Variants in TBC1D16 observed in about 807,000 individuals in gnomAD.
TBC1D16 encodes the protein CTD-2529O21.1.
TBC1D16 carries 58 observed loss-of-function variants against 74.7 expected under a neutral mutation model. The observed-to-expected ratio is 0.78, with a 90% CI of 0.63 to 0.97. The LOEUF is 0.97. Ranked by LOEUF, TBC1D16 falls within the 50% of genes least tolerant of loss-of-function variation. The pLI is 0.00. For synonymous variants in TBC1D16, 493 were observed against 474.7 expected, an observed-to-expected ratio of 1.04 and a Z score of -0.50; for missense variants, 1,014 against 1,079.5, an observed-to-expected ratio of 0.94 and a Z score of 0.85.
intron 1 of TBC1D16, among the ~76,000 whole-genome samples, chr17:80,016,841 T>C (rs1357225787): frequency 6.6e-6 from 1 of 152,174 alleles, no homozygotes; most frequent in Non-Finnish European, 1.5e-5. Flanking sequence ...AGCACAATAT[T>C]CCAAAGATGT....
chr17:80,010,898 A>G lies in TBC1D16; in HGVS notation c.182-141T>C, dbSNP rs2035866329. 2 of 499,870 alleles carry G rather than the reference A, an allele frequency of 4.0e-6. No homozygotes were observed. The highest frequency in any genetic ancestry group is 2.0e-5 in the African/African-American group (1 of 50,810). 31.0% of individuals were successfully genotyped at this position (499,870 alleles called of 1,614,324 possible). A position where few individuals can be genotyped will look rare whatever the true frequency, so the allele number is the denominator to read the frequency against. Reference sequence around the variant, plus strand: ...CGGCCTCAGATACAGCCTGGCCCTGAGCAAAAACACTAGAGGGAAACTGTG... The same window carrying G: ...CGGCCTCAGATACAGCCTGGCCCTGGGCAAAAACACTAGAGGGAAACTGTG... On this transcript the variant is annotated intron_variant, in intron 2 of 11. Coordinates refer to ENST00000310924, the MANE Select transcript of TBC1D16 (RefSeq NM_019020.4). The surrounding 1 kb of genome is among the most constrained non-coding windows in gnomAD (Gnocchi z 8.8).
Position 79,940,947 on chromosome 17 carries a change from C to G in TBC1D16, c.2216G>C (p.Gly739Ala), listed in dbSNP as rs766450766. 1 of 1,601,388 alleles carries G rather than the reference C, an allele frequency of 6.2e-7. No individual in the cohort carries two copies. The highest frequency in any genetic ancestry group is 1.7e-5 in the Admixed American group (1 of 59,072). Residue 739 changes from glycine (G) to alanine (A), a missense_variant, in exon 12 of 12, where the codon GGC (glycine) becomes GCC (alanine). Gly to Ala is a moderately conservative substitution (Grantham distance 60, BLOSUM62 0). Transcript: ENST00000310924. The surrounding 1 kb of genome is among the most constrained non-coding windows in gnomAD (Gnocchi z 5.4). ...HPGSESCPYG[G>A]TVEMPSPKSL... is the part of the protein sequence containing the mutation. Reference sequence around the variant, plus strand: ...CTTGGGGGAAGGCATCTCCACCGTGCCCCCGTAGGGACAGCTCTCCGAGCC... The same window carrying G: ...CTTGGGGGAAGGCATCTCCACCGTGGCCCCGTAGGGACAGCTCTCCGAGCC...
intron 6 of TBC1D16, 91 bp from the exon 7 acceptor site, chr17:79,949,956 T>C: frequency 4.1e-6 from 6 of 1,454,366 alleles, no homozygotes; most frequent in Non-Finnish European, 5.6e-6. Context: ...TGGTGGTTTT[T>C]GGTGCGCCTT....
At position 79,941,033 on chromosome 17, in the gene TBC1D16, G is replaced by A. The variant is rs779586570; in HGVS notation, c.2130C>T (p.Cys710=). Residue 710 remains cysteine, a synonymous_variant, in exon 12 of 12, where the codon TGC becomes TGT. Coordinates refer to ENST00000310924, the MANE Select transcript of TBC1D16 (RefSeq NM_019020.4). This position sits in a 1 kb window ranked among gnomAD's most constrained non-coding sequence, Gnocchi z 4.3. ...AGCCGCTGTCCCACATGCCTGACCC[G>A]CACAGCTTACACAGATCGTGCAGGC... ...PCSLHDLCKL[C]GSGMWDSGSM... 8.1e-6 allele frequency: 13 copies of A among 1,606,960 alleles called. No individual in the cohort carries two copies. Among genetic ancestry groups the A allele is most frequent in the Middle Eastern group, 1.7e-4 (1 of 6,048 alleles).
intron 9 of TBC1D16, among the ~76,000 whole-genome samples, chr17:79,946,880 G>C (rs2032587841): frequency 6.6e-6 from 1 of 152,210 alleles, no homozygotes; most frequent in African/African-American, 2.4e-5. Flanking sequence ...ACCTCCCACA[G>C]TGCTCCCCGA....
intron 3 of TBC1D16, among the ~76,000 whole-genome samples, chr17:79,969,670 G>A (rs530998898): frequency 1.3e-4 from 20 of 152,246 alleles, no homozygotes; most frequent in Non-Finnish European, 2.6e-4. Flanking sequence ...GGCCGGGCAC[G>A]GTGGCTCATG....
chr17:80,003,780 C>T (rs570391591), intron 3 of TBC1D16, among the ~76,000 whole-genome samples: 7 of 152,306 alleles, frequency 4.6e-5, no homozygotes, highest in East Asian at 1.9e-4. Flanking sequence ...GCCGGGCACG[C>T]GGCTCATGCC....
rs965047605 is a variant in TBC1D16 at position 79,980,942 on chromosome 17, C to T, written c.780-28124G>A. 1.6e-4 allele frequency among the ~76,000 whole-genome samples: 25 copies of T among 152,230 alleles called. No individual in the cohort carries two copies. The highest frequency in any genetic ancestry group is 7.8e-4 in the Admixed American group (12 of 15,296). Reference sequence around the variant, plus strand: ...AGGGGTTGTGACGTGACCTGGGCCCCGGGAGGCCCTGAGGGAACTGGTGGG... The same window carrying T: ...AGGGGTTGTGACGTGACCTGGGCCCTGGGAGGCCCTGAGGGAACTGGTGGG... On this transcript the variant is annotated intron_variant, in intron 3 of 11. Coordinates refer to ENST00000310924, the MANE Select transcript of TBC1D16 (RefSeq NM_019020.4). The surrounding 1 kb of genome is among the most constrained non-coding windows in gnomAD (Gnocchi z 7.0).
chr17:80,035,193 T>G lies in TBC1D16; in HGVS notation c.-63+602A>C, dbSNP rs760082784. 2.2e-4 allele frequency among the ~76,000 whole-genome samples: 33 copies of G among 152,020 alleles called. No homozygotes were observed. Among genetic ancestry groups the G allele is most frequent in the Non-Finnish European group, 3.5e-4 (24 of 68,010 alleles). ...TTATGTTTAGCAATCTTCAGTTGCC[T>G]TTCCTTTTTTTCTTTCCTTCCTTTC... is the stretch of plus-strand genomic sequence containing the variant. On this transcript the variant is annotated intron_variant, in intron 1 of 11. Transcript: ENST00000310924. This position sits in a 1 kb window ranked among gnomAD's most constrained non-coding sequence, Gnocchi z 5.3.
At chr17:79,970,241 G>C (rs564026706) in intron 3 of TBC1D16, among the ~76,000 whole-genome samples, 4 of 152,310 alleles carry the variant, frequency 2.6e-5, no homozygotes, top group African/African-American at 7.2e-5. Context: ...TAAATCCATA[G>C]AGACAGACAG....
Position 79,941,178 on chromosome 17 carries a change from G to C in TBC1D16, c.2056-71C>G. 1 of 1,440,456 alleles carries C rather than the reference G, an allele frequency of 6.9e-7. No homozygotes were observed. The highest frequency in any genetic ancestry group is 9.3e-7 in the Non-Finnish European group (1 of 1,072,968). The allele number at this position is 1,440,456 out of a possible 1,614,324, so 89.2% of individuals were successfully genotyped here. ...GGCAGCCTAGGGTCCCCATGGGAGTGGCCAAAGACAGCAACAGCAGCAACA... is the reference window on the plus strand; with the variant it reads ...GGCAGCCTAGGGTCCCCATGGGAGTCGCCAAAGACAGCAACAGCAGCAACA... On this transcript the variant is annotated intron_variant, in intron 11 of 11. Coordinates refer to ENST00000310924, the MANE Select transcript of TBC1D16 (RefSeq NM_019020.4). The surrounding 1 kb of genome is among the most constrained non-coding windows in gnomAD (Gnocchi z 4.3).
intron 3 of TBC1D16, among the ~76,000 whole-genome samples, chr17:79,998,423 G>A (rs1055261314): frequency 6.6e-6 from 1 of 151,680 alleles, no homozygotes; most frequent in African/African-American, 2.4e-5. Flanking sequence ...CGCATTCTGG[G>A]CTCAAGCAAT....
rs537901966 is a variant in TBC1D16 at position 79,985,043 on chromosome 17, T to C, written c.779+25117A>G. ...GAAGCTTGAAAACAACAGAAATGTATTGTCTGGCAGTTCTGGAGGTCAAAG... is the reference window on the plus strand; with the variant it reads ...GAAGCTTGAAAACAACAGAAATGTACTGTCTGGCAGTTCTGGAGGTCAAAG... On this transcript the variant is annotated intron_variant, in intron 3 of 11. Coordinates refer to ENST00000310924, the MANE Select transcript of TBC1D16 (RefSeq NM_019020.4). This position sits in a 1 kb window ranked among gnomAD's most constrained non-coding sequence, Gnocchi z 4.9. Among the ~76,000 whole-genome samples the C allele has an allele frequency of 5.3e-5, 8 of 152,250 alleles. No homozygotes were observed. Among genetic ancestry groups the C allele is most frequent in the African/African-American group, 1.9e-4 (8 of 41,558 alleles).
At position 79,988,371 on chromosome 17, in the gene TBC1D16, T is replaced by C. The variant is rs1421486825; in HGVS notation, c.779+21789A>G. The stretch of plus-strand genomic sequence containing the variant: ...CTCCCTGGCTCCAGCTGTGGCTGAT[T>C]TACCCAAACTGAAACATTTTCCTTT... On this transcript the variant is annotated intron_variant, in intron 3 of 11. Transcript: ENST00000310924. This position sits in a 1 kb window ranked among gnomAD's most constrained non-coding sequence, Gnocchi z 5.7. 3.9e-5 allele frequency among the ~76,000 whole-genome samples: 6 copies of C among 152,240 alleles called. No homozygotes were observed. The highest frequency in any genetic ancestry group is 3.3e-4 in the Admixed American group (5 of 15,294).
rs558720988 is a variant in TBC1D16, at chr17:79,945,015, C to G, written c.1801G>C (p.Gly601Arg). Residue 601 changes from glycine (G) to arginine (R), a missense_variant, in exon 10 of 12, where the codon GGC becomes CGC. Physicochemically the swap from Gly to Arg is moderately radical, Grantham distance 125. Coordinates refer to ENST00000310924, the MANE Select transcript of TBC1D16 (RefSeq NM_019020.4). ...CGGTGGCAGAAGAGCATCTGCAGGC[C>G]GTCCTCGCCCAGCGAGACCAGGTGC... ...YQHLVSLGEDGLQMLFCHRWL... is the reference protein window; with the variant it reads ...YQHLVSLGEDRLQMLFCHRWL... 1 of 1,579,150 alleles carries G rather than the reference C, an allele frequency of 6.3e-7. No homozygotes were observed. Among genetic ancestry groups the G allele is most frequent in the African/African-American group, 1.3e-5 (1 of 74,716 alleles).
At chr17:79,945,496 G>T (rs560363379) in intron 9 of TBC1D16, among the ~76,000 whole-genome samples, 2 of 152,230 alleles carry the variant, frequency 1.3e-5, no homozygotes, top group African/African-American at 4.8e-5. Flanking sequence ...CTTCGGCTAC[G>T]CTCACCCAGA....
chr17:79,954,722 G>A lies in TBC1D16; in HGVS notation c.780-1904C>T, dbSNP rs554993007. ...CTGCTCATTGAACCGCGGGGCTGCT[G>A]TGACTGTGAGAGCTGCTGCCCCGTG... On this transcript the variant is annotated intron_variant, in intron 3 of 11. Transcript: ENST00000310924. This position sits in a 1 kb window ranked among gnomAD's most constrained non-coding sequence, Gnocchi z 5.5. Among the ~76,000 whole-genome samples the A allele has an allele frequency of 7.9e-5, 12 of 152,290 alleles. No individual in the cohort carries two copies. In the South Asian group the frequency reaches 2.5e-3, roughly 32 times the overall value.
chr17:79,966,475 G>C (rs948706967), intron 3 of TBC1D16, among the ~76,000 whole-genome samples: 1 of 151,716 alleles, frequency 6.6e-6, no homozygotes, highest in African/African-American at 2.4e-5. Flanking sequence ...TTGCTTATGT[G>C]GGTCCCTCTC....
At position 79,942,741 on chromosome 17, in the gene TBC1D16, C is replaced by T. The variant is rs117275998; in HGVS notation, c.1909-535G>A. On this transcript the variant is annotated intron_variant, in intron 10 of 11. Coordinates refer to ENST00000310924, the MANE Select transcript of TBC1D16 (RefSeq NM_019020.4). ...CCCCCCAATCATGCCCCAGAGATGACTCTAGGGTTTGTGGCTAGAAAAGTG... is the reference window on the plus strand; with the variant it reads ...CCCCCCAATCATGCCCCAGAGATGATTCTAGGGTTTGTGGCTAGAAAAGTG... Among the ~76,000 whole-genome samples the T allele has an allele frequency of 3.9e-3, 596 of 152,340 alleles. 3 individuals are homozygous for T. Among genetic ancestry groups the T allele is most frequent in the Middle Eastern group, 0.017 (5 of 294 alleles).
Sources: gnomAD v4.1 joint callset for allele counts (sites outside exome capture counted in the v4.1 genomes callset) on GRCh38, gnomAD v4.1.1 for gene constraint, Gnocchi (gnomAD v3.1) non-coding constraint, MANE v1.5 for transcripts, NCBI Gene and HGNC (gene_info 2026-07-23, HGNC 2026-07-21) for gene names.